ASTN2: variants seen among roughly 807,000 people sequenced by gnomAD.
The protein encoded by ASTN2 is astrotactin-2.
A neutral mutation model predicts 139.8 loss-of-function variants in ASTN2; 54 were observed. The observed-to-expected ratio is 0.39, with a 90% CI of 0.31 to 0.48. ASTN2 has a LOEUF of 0.48. Among genes scored for constraint, ASTN2 ranks in the 20% least tolerant of loss-of-function variants. The pLI, the probability that ASTN2 is intolerant of heterozygous loss-of-function variation, is 0.95. For synonymous variants in ASTN2, 756 were observed against 719.5 expected (o/e 1.05, Z -0.81); for missense variants, 1,565 against 1,725.1 (o/e 0.91, Z 1.64).
intron 10 of ASTN2, among the ~76,000 whole-genome samples, chr9:116,865,422 TCAAAAAAA>T (rs1832989000): frequency 1.1e-4 from 3 of 28,566 alleles, no homozygotes; most frequent in South Asian, 1.4e-3. Context: ...AAACACTGTC[TCAAAAAAA>T]AAAAAAAAAA....
At chr9:117,389,852 T>G (rs989579788) in intron 1 of ASTN2, among the ~76,000 whole-genome samples, 1 of 147,412 alleles carries the variant, frequency 6.8e-6, no homozygotes, top group African/African-American at 2.5e-5. Flanking sequence ...GGCTACTGAG[T>G]GACAAAAAAA....
intron 4 of ASTN2, 139 bp downstream of exon 4, chr9:117,141,187 A>G (rs993483365): frequency 7.5e-6 from 7 of 930,694 alleles, no homozygotes; most frequent in African/African-American, 1.7e-5. Flanking sequence ...GCAGCCTCCA[A>G]GGGGATTTAT....
chr9:117,041,660 C>T (rs574142329), intron 5 of ASTN2, among the ~76,000 whole-genome samples: 6 of 152,174 alleles, frequency 3.9e-5, no homozygotes, highest in Admixed American at 3.9e-4. Flanking sequence ...CATCTGGTTG[C>T]AGGATGTGAT....
intron 19 of ASTN2, chr9:116,582,017 C>T (rs923696048): frequency 6.6e-6 from 1 of 152,204 alleles, no homozygotes; most frequent in Admixed American, 6.5e-5. Context: ...ACATTATATA[C>T]AAGCCAAAAG....
Position 117,313,309 on chromosome 9 carries a change from T to C in ASTN2, c.443-21796A>G, listed in dbSNP as rs543829584. On this transcript the variant is annotated intron_variant, in intron 1 of 22. Transcript: ENST00000313400. ...CTCTTCCGTTTGGATTTTATCATATTTACTAAGCTCCAGTTCCAAGGCAGC... is the reference window on the plus strand; with the variant it reads ...CTCTTCCGTTTGGATTTTATCATATCTACTAAGCTCCAGTTCCAAGGCAGC... Among the ~76,000 whole-genome samples the C allele has an allele frequency of 3.3e-5, 5 of 152,296 alleles. No homozygotes were observed. In the South Asian group the frequency reaches 1.0e-3, roughly 32 times the overall value.
At chr9:117,027,192 T>C (rs1838113287) in intron 6 of ASTN2, among the ~76,000 whole-genome samples, 2 of 152,134 alleles carry the variant, frequency 1.3e-5, no homozygotes, top group African/African-American at 4.8e-5. Flanking sequence ...CCCTACAGAT[T>C]AAGAAATAAC....
chr9:116,902,519 G>C (rs1202867337), intron 10 of ASTN2, among the ~76,000 whole-genome samples: 5 of 151,974 alleles, frequency 3.3e-5, no homozygotes, highest in Non-Finnish European at 2.9e-5. Context: ...ATTGCCTACA[G>C]TATTCAGTAC....
At chr9:116,661,435 A>G (rs547843798) in intron 16 of ASTN2, among the ~76,000 whole-genome samples, 2 of 152,178 alleles carry the variant, frequency 1.3e-5, no homozygotes, top group East Asian at 3.8e-4. Flanking sequence ...GCATTTGCTG[A>G]GAAGGCCTAT....
At chr9:116,525,927 C>T (rs1322489742) in intron 19 of ASTN2, among the ~76,000 whole-genome samples, 2 of 152,160 alleles carry the variant, frequency 1.3e-5, no homozygotes, top group Non-Finnish European at 2.9e-5. Context: ...CTCCCAATTT[C>T]ACACCTCTCT....
intron 5 of ASTN2, among the ~76,000 whole-genome samples, chr9:117,059,467 G>T (rs1018212696): frequency 6.6e-6 from 1 of 152,108 alleles, no homozygotes; most frequent in South Asian, 2.1e-4. Context: ...CAAAAAATTA[G>T]CTGGGCATGG....
intron 19 of ASTN2, among the ~76,000 whole-genome samples, chr9:116,488,443 A>G (rs926517241): frequency 1.3e-5 from 2 of 152,202 alleles, no homozygotes; most frequent in African/African-American, 4.8e-5. Flanking sequence ...AAAAAATAAA[A>G]TAAAAATACA....
At chr9:116,844,796 C>T (rs1832378687) in intron 11 of ASTN2, among the ~76,000 whole-genome samples, 2 of 152,118 alleles carry the variant, frequency 1.3e-5, no homozygotes, top group South Asian at 4.1e-4. Context: ...CAATGAAATA[C>T]CAACAGGCCA....
chr9:117,181,059 C>A, intron 3 of ASTN2: 1 of 1,408,924 alleles, frequency 7.1e-7, no homozygotes, highest in Non-Finnish European at 9.9e-7. Flanking sequence ...AAACATACAT[C>A]TGAAAGGCCT....
intron 16 of ASTN2, among the ~76,000 whole-genome samples, chr9:116,712,460 C>G (rs1828189265): frequency 6.6e-6 from 1 of 152,122 alleles, no homozygotes; most frequent in Admixed American, 6.5e-5. Flanking sequence ...AGCACAGTAC[C>G]TGAAACATAG....
chr9:116,442,355 G>C lies in ASTN2; in HGVS notation c.3598+98C>G, dbSNP rs1230833944. ...TTCTTCTCCCTGTGCCAGTGTGTCAGGGTGTGCGTGTGTGTGTTTAATGAT... is the reference window on the plus strand; with the variant it reads ...TTCTTCTCCCTGTGCCAGTGTGTCACGGTGTGCGTGTGTGTGTTTAATGAT... On this transcript the variant is annotated intron_variant, in intron 21 of 22. Coordinates refer to ENST00000313400, the MANE Select transcript of ASTN2 (RefSeq NM_001365068.1). 4.4e-6 allele frequency: 4 copies of C among 914,754 alleles called. No homozygotes were observed. The East Asian group carries it at 9.7e-5, about 22-fold the overall frequency. The allele number at this position is 914,754 out of a possible 1,614,324, so 56.7% of individuals were successfully genotyped here. A position where few individuals can be genotyped will look rare whatever the true frequency, so the allele number is the denominator to read the frequency against.
At chr9:117,078,956 G>C (rs1407814847) in intron 5 of ASTN2, among the ~76,000 whole-genome samples, 1 of 151,972 alleles carries the variant, frequency 6.6e-6, no homozygotes, top group African/African-American at 2.4e-5. Context: ...GGCTGGTCTT[G>C]AACTCCTGAC....
chr9:116,819,982 A>C (rs1357293042), intron 12 of ASTN2, among the ~76,000 whole-genome samples: 1 of 152,206 alleles, frequency 6.6e-6, no homozygotes. Context: ...GTCAGAAGTC[A>C]CTCAGCAAGT....
chr9:117,339,308 C>G (rs575299948), intron 1 of ASTN2, among the ~76,000 whole-genome samples: 7 of 152,274 alleles, frequency 4.6e-5, no homozygotes, highest in Admixed American at 3.9e-4. Flanking sequence ...GCTCTTTCCA[C>G]TATGCCACAC....
chr9:116,911,638 C>T (rs73520265), intron 10 of ASTN2, among the ~76,000 whole-genome samples: 2,760 of 152,272 alleles, frequency 0.018, 73 homozygotes, highest in African/African-American at 0.06. Flanking sequence ...TGCGCGGTGG[C>T]TCACGCTTGT....
Sources: gnomAD v4.1 joint callset for allele counts (sites outside exome capture counted in the v4.1 genomes callset) on GRCh38, gnomAD v4.1.1 for gene constraint, MANE v1.5 for transcripts, NCBI Gene and HGNC (gene_info 2026-07-23, HGNC 2026-07-21) for gene names.